Variants in PPIP5K2 observed in about 807,000 individuals in gnomAD.
The protein encoded by PPIP5K2 is diphosphoinositol pentakisphosphate kinase 2, also known as inositol hexakisphosphate and diphosphoinositol-pentakisphosphate kinase 2.
PPIP5K2 carries 105 observed loss-of-function variants against 154.6 expected under a neutral mutation model. The ratio of observed to expected loss-of-function variants is 0.68; its 90% CI spans 0.58 to 0.80. The LOEUF is 0.80. Among genes scored for constraint, PPIP5K2 ranks in the 30% least tolerant of loss-of-function variants. PPIP5K2 has a pLI of 0.00. For synonymous variants in PPIP5K2, 480 were observed against 490.3 expected (o/e 0.98, Z 0.28); for missense variants, 992 against 1,504.6 (o/e 0.66, Z 5.64).
chr5:103,125,571 G>A (rs1416191182), intron 1 of PPIP5K2, among the ~76,000 whole-genome samples: 2 of 151,432 alleles, frequency 1.3e-5, no homozygotes, highest in African/African-American at 4.9e-5. Flanking sequence ...CAATTCCTCT[G>A]TCCATCTTTT....
chr5:103,141,608 C>A (rs1284747792), intron 5 of PPIP5K2, among the ~76,000 whole-genome samples: 1 of 152,124 alleles, frequency 6.6e-6, no homozygotes, highest in African/African-American at 2.4e-5. Flanking sequence ...AGGTTCTCCA[C>A]GTCCCCATCA....
chr5:103,158,615 T>C, intron 16 of PPIP5K2, 42 bp downstream of exon 16: 1 of 1,486,584 alleles, frequency 6.7e-7, no homozygotes, highest in East Asian at 2.5e-5. Context: ...GTTTTTAATC[T>C]AATATTGTAT....
At chr5:103,146,271 AACTT>A (rs797041725) in intron 5 of PPIP5K2, among the ~76,000 whole-genome samples, 77 of 152,114 alleles carry the variant, frequency 5.1e-4, no homozygotes, top group African/African-American at 1.7e-3. Flanking sequence ...TTTCACATCT[AACTT>A]TGAATTCTGT....
At position 103,171,626 on chromosome 5, in the gene PPIP5K2, G is replaced by A. The variant is rs138634703; in HGVS notation, c.2287-1529G>A. On this transcript the variant is annotated intron_variant, in intron 19 of 30. Transcript: ENST00000358359. ...AGAGAGAAATTTCTTGATTATAAAA[G>A]TAATATATCTTTGTGATAAAACTAG... is the stretch of plus-strand genomic sequence containing the variant. Among the ~76,000 whole-genome samples the A allele has an allele frequency of 7.3e-5, 11 of 151,536 alleles. No individual in the cohort carries two copies. The East Asian group carries it at 2.1e-3, about 29-fold the overall frequency.
chr5:103,150,446 T>A (rs1185390686), intron 8 of PPIP5K2, among the ~76,000 whole-genome samples: 1 of 152,148 alleles, frequency 6.6e-6, no homozygotes, highest in Non-Finnish European at 1.5e-5. Context: ...ATTACAGGTG[T>A]TCACGAATAT....
Position 103,167,293 on chromosome 5 carries a change from C to G in PPIP5K2, c.2035C>G (p.His679Asp). The change falls in exon 18 of 31, where the codon CAT becomes GAT. Residue 679 changes from histidine to aspartate, a missense_variant. Coordinates refer to ENST00000358359, the MANE Select transcript of PPIP5K2 (RefSeq NM_001276277.3). ...TCAGAGTTTGACTTCTCAAATCAGA[C>G]ATCGAATGGAAGATCCTAAATCATC... ...LIQSLTSQIRHRMEDPKSSDI... is the reference protein window; with the variant it reads ...LIQSLTSQIRDRMEDPKSSDI... 15 of 1,589,376 alleles carry G rather than the reference C, an allele frequency of 9.4e-6. No individual in the cohort carries two copies. The highest frequency in any genetic ancestry group is 9.4e-6 in the Non-Finnish European group (11 of 1,168,558).
intron 20 of PPIP5K2, 40 bp from the exon 21 acceptor site, chr5:103,173,818 T>C: frequency 7.9e-7 from 1 of 1,267,062 alleles, no homozygotes; most frequent in Non-Finnish European, 1.1e-6. Flanking sequence ...AGTTTTTGAT[T>C]ATATGGTTAT....
chr5:103,147,779 A>T, intron 6 of PPIP5K2, 152 bp from the exon 7 acceptor site: 1 of 568,540 alleles, frequency 1.8e-6, no homozygotes, highest in South Asian at 2.5e-5. Flanking sequence ...TGCCAAGTAT[A>T]TAGTAAGTTT....
In PPIP5K2 at chr5:103,185,147, C is replaced by T. The variant is rs138297299; in HGVS notation, c.3169+403C>T. On this transcript the variant is annotated intron_variant, in intron 26 of 30. Coordinates refer to ENST00000358359, the MANE Select transcript of PPIP5K2 (RefSeq NM_001276277.3). ...TTTAAAGTACAGAATACTTCAAACC[C>T]TATATGAATATATTAATTTTCCTTT... 6.2e-4 allele frequency among the ~76,000 whole-genome samples: 94 copies of T among 152,188 alleles called. 1 individual carries two copies. The highest frequency in any genetic ancestry group is 2.2e-3 in the African/African-American group (92 of 41,558).
At chr5:103,164,632 A>G (rs1471217517) in intron 17 of PPIP5K2, among the ~76,000 whole-genome samples, 1 of 152,022 alleles carries the variant, frequency 6.6e-6, no homozygotes, top group Admixed American at 6.6e-5. Flanking sequence ...TTTTGCTTCC[A>G]TAATTCTTTA....
At chr5:103,158,938 A>C (rs185653809) in intron 16 of PPIP5K2, among the ~76,000 whole-genome samples, 2 of 152,204 alleles carry the variant, frequency 1.3e-5, no homozygotes, top group Admixed American at 6.5e-5. Context: ...TCAAAAAAAA[A>C]CCAAAATTTT....
intron 1 of PPIP5K2, among the ~76,000 whole-genome samples, chr5:103,128,970 G>A (rs1369608417): frequency 2.6e-5 from 4 of 152,006 alleles, no homozygotes; most frequent in Admixed American, 6.6e-5. Flanking sequence ...ATAACTATGT[G>A]CTAAGAGATT....
chr5:103,212,429 C>T lies in PPIP5K2; in HGVS notation c.*10795C>T, dbSNP rs1461375589. On this transcript the variant is annotated 3_prime_UTR_variant, in exon 31 of 31. Coordinates refer to ENST00000358359, the MANE Select transcript of PPIP5K2 (RefSeq NM_001276277.3). ...ACTAGATGGTGGTATGTTATTCTGG[C>T]ATATAGGGAACAGAATAAGACATGA... The T allele has an allele frequency of 2.0e-5, 3 of 151,996 alleles. No homozygotes were observed. The highest frequency in any genetic ancestry group is 2.0e-4 in the Admixed American group (3 of 15,246). The allele number at this position is 151,996 out of a possible 1,614,324, so 9.4% of individuals were successfully genotyped here. A position where few individuals can be genotyped will look rare whatever the true frequency, so the allele number is the denominator to read the frequency against.
chr5:103,171,709 C>G (rs1355189857), intron 19 of PPIP5K2, among the ~76,000 whole-genome samples: 1 of 151,444 alleles, frequency 6.6e-6, no homozygotes, highest in Non-Finnish European at 1.5e-5. Flanking sequence ...AAAAACATAT[C>G]AATGTTTTGG....
At chr5:103,194,649 C>T (rs1247369376) in intron 29 of PPIP5K2, 3 of 257,456 alleles carry the variant, frequency 1.2e-5, no homozygotes, top group Non-Finnish European at 2.2e-5. Context: ...TCGCTCTATT[C>T]TTGGCATTCC....
chr5:103,180,325 A>G, intron 24 of PPIP5K2, 137 bp downstream of exon 24: 1 of 631,036 alleles, frequency 1.6e-6, no homozygotes, highest in Non-Finnish European at 2.3e-6. Flanking sequence ...CTATTTTTAA[A>G]TAAATTACAA....
intron 17 of PPIP5K2, 81 bp downstream of exon 17, chr5:103,159,409 G>T: frequency 8.6e-7 from 1 of 1,158,116 alleles, no homozygotes. Flanking sequence ...TACATGTAGA[G>T]CTTATTGTAT....
chr5:103,164,596 C>T (rs181037690), intron 17 of PPIP5K2, among the ~76,000 whole-genome samples: 160 of 152,090 alleles, frequency 1.1e-3, no homozygotes, highest in Non-Finnish European at 2.0e-3. Context: ...ATTCTAGGCT[C>T]ACTTTCTGGA....
chr5:103,157,891 AG>A (rs1795666880), intron 14 of PPIP5K2, among the ~76,000 whole-genome samples: 1 of 152,186 alleles, frequency 6.6e-6, no homozygotes, highest in Non-Finnish European at 1.5e-5. Context: ...CTATGAGAGC[AG>A]GCAAGGGAGA....
Sources: gnomAD v4.1 joint callset for allele counts (sites outside exome capture counted in the v4.1 genomes callset) on GRCh38, gnomAD v4.1.1 for gene constraint, MANE v1.5 for transcripts, NCBI Gene and HGNC (gene_info 2026-07-23, HGNC 2026-07-21) for gene names.